The following LAMB1 variants were observed in gnomAD, a reference collection of about 807,000 sequenced individuals.
The protein encoded by LAMB1 is laminin subunit beta 1.
In LAMB1, 121 loss-of-function variants were observed where a neutral mutation model predicts 222.3. The observed-to-expected ratio is 0.54, with a 90% confidence interval of 0.47 to 0.63. The LOEUF is 0.63. Ranked by LOEUF, LAMB1 falls within the 30% of genes least tolerant of loss-of-function variation. The probability of loss-of-function intolerance (pLI) is 0.00; values close to 1 mark genes in which losing one functional copy is unlikely to be tolerated. For missense variants in LAMB1, 2,172 were observed against 2,240.8 expected (o/e 0.97, Z 0.62); for synonymous variants, 794 against 807.2 (o/e 0.98, Z 0.28).
chr7:107,984,581 C>T (rs986716055), intron 7 of LAMB1, among the ~76,000 whole-genome samples: 3 of 152,068 alleles, frequency 2.0e-5, no homozygotes, highest in Non-Finnish European at 2.9e-5. Flanking sequence ...TTGCTTGCCT[C>T]GTCTTCCCTC....
chr7:107,990,665 C>T (rs1283720973), intron 5 of LAMB1, among the ~76,000 whole-genome samples: 2 of 152,190 alleles, frequency 1.3e-5, no homozygotes, highest in East Asian at 3.8e-4. Context: ...CACTGTTCTG[C>T]TTCTAATCTT....
At chr7:107,969,113 C>A (rs1317444331) in intron 13 of LAMB1, among the ~76,000 whole-genome samples, 1 of 151,794 alleles carries the variant, frequency 6.6e-6, no homozygotes, top group East Asian at 1.9e-4. Context: ...ACGGTGAAAC[C>A]CCATCTCCAC....
Position 107,959,380 on chromosome 7 carries a change from C to G in LAMB1, c.2559G>C (p.Arg853=). ...FQGVYARQCD[R]CLPGHWGFPS... is the part of the protein sequence containing the mutation. ...GAAAGCCCCAGTGCCCAGGTAAGCA[C>G]CGATCACACTGCCGAGCATACACTC... The change falls in exon 20 of 34, where the codon CGG becomes CGC. Residue 853 remains arginine, a synonymous_variant. Transcript: ENST00000222399. 6.2e-7 allele frequency: 1 copy of G among 1,614,232 alleles called. No individual in the cohort carries two copies. Among genetic ancestry groups the G allele is most frequent in the Non-Finnish European group, 8.5e-7 (1 of 1,180,038 alleles).
At chr7:107,966,760 G>A (rs975513326) in intron 13 of LAMB1, among the ~76,000 whole-genome samples, 2 of 152,158 alleles carry the variant, frequency 1.3e-5, no homozygotes, top group African/African-American at 4.8e-5. Flanking sequence ...ATTAGAGAAC[G>A]AGCAAATGAA....
chr7:107,951,864 GC>G, intron 23 of LAMB1, 144 bp downstream of exon 23: 1 of 679,728 alleles, frequency 1.5e-6, no homozygotes, highest in Non-Finnish European at 2.5e-6. Context: ...TGTAGACCCA[GC>G]CAAGGGGTAC....
chr7:107,948,771 G>A (rs2033181236), intron 24 of LAMB1, among the ~76,000 whole-genome samples: 1 of 152,140 alleles, frequency 6.6e-6, no homozygotes, highest in African/African-American at 2.4e-5. Flanking sequence ...CTACACTCTT[G>A]GCTATGGGAC....
chr7:107,953,413 CCT>C (rs1357239995), intron 22 of LAMB1, 115 bp downstream of exon 22: 2 of 780,898 alleles, frequency 2.6e-6, no homozygotes, highest in African/African-American at 3.5e-5. Flanking sequence ...TGAAATTTTA[CCT>C]CTCTGAACAA....
At position 107,962,925 on chromosome 7, in the gene LAMB1, G is replaced by C. The variant is rs974610368; in HGVS notation, c.1837C>G (p.Leu613Val). ...TTTACCTGTGGCTCGTAGCGAATTA[G>C]GATGTCGTACTCCATGGAATATGGT... ...NIPYSMEYDI[L>V]IRYEPQLPDH... is the part of the protein sequence containing the mutation. Residue 613 changes from leucine to valine, a missense_variant, in exon 15 of 34, where the codon CTA becomes GTA. Physicochemically the swap from Leu to Val is conservative, Grantham distance 32. Coordinates refer to ENST00000222399, the MANE Select transcript of LAMB1 (RefSeq NM_002291.3). The C allele has an allele frequency of 6.2e-7, 1 of 1,613,104 alleles. No individual in the cohort carries two copies. Among genetic ancestry groups the C allele is most frequent in the Non-Finnish European group, 8.5e-7 (1 of 1,179,602 alleles).
chr7:107,995,327 A>AG (rs1032566817), intron 4 of LAMB1, among the ~76,000 whole-genome samples: 1 of 152,198 alleles, frequency 6.6e-6, no homozygotes, highest in Non-Finnish European at 1.5e-5. Context: ...GAAAAAAGGG[A>AG]GGGGCACTTC....
At chr7:108,000,296 C>T (rs565533383) in intron 3 of LAMB1, among the ~76,000 whole-genome samples, 10 of 152,190 alleles carry the variant, frequency 6.6e-5, no homozygotes, top group East Asian at 5.8e-4. Flanking sequence ...AGCAAATGAA[C>T]GGAATCCACT....
chr7:107,986,441 C>G, intron 5 of LAMB1, 78 bp from the exon 6 acceptor site: 2 of 1,205,520 alleles, frequency 1.7e-6, no homozygotes, highest in South Asian at 1.5e-5. Flanking sequence ...GTAAAAATGT[C>G]ACTCAACTGC....
intron 24 of LAMB1, among the ~76,000 whole-genome samples, chr7:107,944,669 C>T (rs1354739625): frequency 2.6e-5 from 4 of 151,960 alleles, no homozygotes; most frequent in Non-Finnish European, 5.9e-5. Context: ...AAGAGGCAGG[C>T]ACCAGAAGGC....
intron 4 of LAMB1, among the ~76,000 whole-genome samples, chr7:107,996,355 G>A (rs2034280933): frequency 6.6e-6 from 1 of 152,074 alleles, no homozygotes; most frequent in South Asian, 2.1e-4. Context: ...CTTCTATAGT[G>A]TATTTGATTT....
chr7:107,986,967 G>C (rs746719953), intron 5 of LAMB1, among the ~76,000 whole-genome samples: 1 of 152,158 alleles, frequency 6.6e-6, no homozygotes, highest in Non-Finnish European at 1.5e-5. Flanking sequence ...CGGAAGAATT[G>C]AAAACAGGAA....
At chr7:107,987,969 G>T (rs75521205) in intron 5 of LAMB1, among the ~76,000 whole-genome samples, 18 of 152,272 alleles carry the variant, frequency 1.2e-4, no homozygotes, top group Admixed American at 9.8e-4. Flanking sequence ...CAAATGAAAT[G>T]ATCAGATTGC....
At chr7:107,941,539 T>A (rs76000216) in intron 24 of LAMB1, among the ~76,000 whole-genome samples, 162 of 152,330 alleles carry the variant, frequency 1.1e-3, no homozygotes, top group African/African-American at 3.9e-3. Flanking sequence ...AATGAAGCCC[T>A]AACCTCATTT....
At chr7:107,963,799 TC>T (rs1377584758) in intron 14 of LAMB1, among the ~76,000 whole-genome samples, 1 of 152,202 alleles carries the variant, frequency 6.6e-6, no homozygotes, top group Non-Finnish European at 1.5e-5. Flanking sequence ...CTGGAAGCCA[TC>T]TAAGAAATCT....
At chr7:107,953,396 T>A in intron 22 of LAMB1, 134 bp downstream of exon 22, 1 of 715,116 alleles carries the variant, frequency 1.4e-6, no homozygotes, top group Non-Finnish European at 2.3e-6. Flanking sequence ...CTTTCCTTAG[T>A]TGAAAGTGAA....
chr7:107,924,020 C>T lies in LAMB1; in HGVS notation c.5292G>A (p.Leu1764=). The change falls in exon 34 of 34, where the codon CTG becomes CTA. Residue 1764 remains leucine (L), a synonymous_variant. Transcript: ENST00000222399. ...TTAGGAGTGAACGGACTTCTCCTTC[C>T]AGTCTTGCTAATTCTTGAGCTTTAT... is the stretch of plus-strand genomic sequence containing the variant. ...LEDKAQELAR[L]EGEVRSLLKD... 1 of 1,597,282 alleles carries T rather than the reference C, an allele frequency of 6.3e-7. No individual in the cohort carries two copies.
Sources: allele counts gnomAD v4.1 joint callset (sites outside exome capture counted in the v4.1 genomes callset), GRCh38; gene constraint gnomAD v4.1.1; transcripts MANE v1.5; gene names NCBI Gene and HGNC (gene_info 2026-07-23, HGNC 2026-07-21).